Variants in KIFBP observed in about 807,000 individuals in gnomAD.
KIFBP encodes the protein kinesin family binding protein.
A neutral mutation model predicts 58.9 loss-of-function variants in KIFBP; 46 were observed. The ratio of observed to expected loss-of-function variants is 0.78; its 90% CI spans 0.62 to 1.00. The LOEUF (loss-of-function observed/expected upper bound fraction) is 1.00. KIFBP is among the 50% of genes least tolerant of loss of function. The pLI is 0.00. For synonymous variants in KIFBP, 241 were observed against 283.4 expected (o/e 0.85, Z 1.50); for missense variants, 651 against 752.9 (o/e 0.86, Z 1.58).
rs543841221 is a variant in KIFBP at position 69,006,820 on chromosome 10, T to C, written c.789+905T>C. 3 of 152,316 alleles carry C rather than the reference T, an allele frequency of 2.0e-5. No homozygotes were observed. The South Asian group carries it at 6.2e-4, about 32-fold the overall frequency. 9.4% of individuals were successfully genotyped at this position (152,316 alleles called of 1,614,324 possible). On this transcript the variant is annotated intron_variant, in intron 4 of 6. Coordinates refer to ENST00000361983, the MANE Select transcript of KIFBP (RefSeq NM_015634.4). ...GCGTTGGTTCTGTAAATGCGCCCGA[T>C]GATTAAAGTATTGTCCCACAGAATT...
In KIFBP at chr10:69,005,815, A is replaced by C. The variant is rs1843529356; in HGVS notation, c.689A>C (p.Tyr230Ser). ...GAAATGTTTGAGAAGGCTGCTCACT[A>C]TTGCCATAGTACACTAAAACGCCAG... ...HLEMFEKAAH[Y>S]CHSTLKRQLE... is the part of the protein sequence containing the mutation. The change falls in exon 4 of 7, where the codon TAT becomes TCT. Residue 230 changes from tyrosine (Y) to serine (S), a missense_variant. By Grantham distance (144) the Tyr-to-Ser change is moderately radical (BLOSUM62 -2). Transcript: ENST00000361983. The C allele has an allele frequency of 6.2e-7, 1 of 1,614,080 alleles. No homozygotes were observed. The highest frequency in any genetic ancestry group is 1.3e-5 in the African/African-American group (1 of 75,046).
rs144410477 is a variant in KIFBP, at chr10:69,000,596, C to T, written c.525+74C>T. On this transcript the variant is annotated intron_variant, in intron 2 of 6. Coordinates refer to ENST00000361983, the MANE Select transcript of KIFBP (RefSeq NM_015634.4). ...GAATTGATAGTAAGAATCCCTCATTCGTAATATTGGTGTGACTCTTCACTG... is the reference window on the plus strand; with the variant it reads ...GAATTGATAGTAAGAATCCCTCATTTGTAATATTGGTGTGACTCTTCACTG... 341 of 975,010 alleles carry T rather than the reference C, an allele frequency of 3.5e-4. 3 individuals are homozygous for T. The African/African-American group carries it at 4.3e-3, about 12-fold the overall frequency. 60.4% of individuals were successfully genotyped at this position (975,010 alleles called of 1,614,324 possible).
At chr10:68,990,262 G>A (rs1473046946) in intron 1 of KIFBP, among the ~76,000 whole-genome samples, 1 of 152,150 alleles carries the variant, frequency 6.6e-6, no homozygotes, top group Non-Finnish European at 1.5e-5. Context: ...GGGCACAGTG[G>A]CTCCCATCTG....
At chr10:69,002,394 G>A (rs532903817) in intron 2 of KIFBP, among the ~76,000 whole-genome samples, 1 of 152,006 alleles carries the variant, frequency 6.6e-6, no homozygotes, top group South Asian at 2.1e-4. Flanking sequence ...CTGACCTCAA[G>A]TGATCCGCCC....
chr10:68,994,648 T>C (rs1036809296), intron 1 of KIFBP, among the ~76,000 whole-genome samples: 1 of 152,144 alleles, frequency 6.6e-6, no homozygotes, highest in Non-Finnish European at 1.5e-5. Flanking sequence ...AGGTTATATA[T>C]GTATAGGAGT....
chr10:69,015,450 C>G, intron 6 of KIFBP, 91 bp from the exon 7 acceptor site: 5 of 1,290,562 alleles, frequency 3.9e-6, no homozygotes, highest in Non-Finnish European at 5.5e-6. Context: ...AGAGACTTCT[C>G]TTCTAAAAAA....
intron 1 of KIFBP, among the ~76,000 whole-genome samples, chr10:68,993,797 C>T (rs1377005006): frequency 2.6e-5 from 4 of 151,972 alleles, no homozygotes; most frequent in African/African-American, 9.7e-5. Flanking sequence ...AGGTTGTTAA[C>T]CTGGTCATCT....
chr10:68,999,334 G>T (rs1054569932), intron 1 of KIFBP, among the ~76,000 whole-genome samples: 4 of 151,818 alleles, frequency 2.6e-5, no homozygotes, highest in Non-Finnish European at 5.9e-5. Flanking sequence ...CTCGCCTCAA[G>T]TGATCTGCCT....
At chr10:68,991,943 A>T (rs1276739809) in intron 1 of KIFBP, among the ~76,000 whole-genome samples, 1 of 150,090 alleles carries the variant, frequency 6.7e-6, no homozygotes, top group Non-Finnish European at 1.5e-5. Flanking sequence ...GACTGTTCGT[A>T]TGATGATACA....
At chr10:69,003,835 A>G (rs969460872) in intron 2 of KIFBP, among the ~76,000 whole-genome samples, 20 of 152,308 alleles carry the variant, frequency 1.3e-4, no homozygotes, top group Middle Eastern at 3.4e-3. Context: ...TTAGAATACT[A>G]CTACTGTAGA....
At chr10:68,995,503 C>T (rs551269519) in intron 1 of KIFBP, among the ~76,000 whole-genome samples, 3 of 152,118 alleles carry the variant, frequency 2.0e-5, no homozygotes, top group Non-Finnish European at 2.9e-5. Flanking sequence ...TCCATTTGGT[C>T]GTAGCGTATT....
At chr10:69,001,784 A>G (rs1294522760) in intron 2 of KIFBP, among the ~76,000 whole-genome samples, 2 of 152,086 alleles carry the variant, frequency 1.3e-5, no homozygotes, top group African/African-American at 2.4e-5. Flanking sequence ...AAGTGCTTTT[A>G]TAACATTAAA....
In KIFBP at chr10:69,016,521, G is replaced by C; in HGVS notation, c.*105G>C. On this transcript the variant is annotated 3_prime_UTR_variant, in exon 7 of 7. Transcript: ENST00000361983. ...TGTTTACCTTTATAGCCAGGTGAGT[G>C]CAGTTTGAACTTGAGATACAGTCAA... 1 of 1,194,668 alleles carries C rather than the reference G, an allele frequency of 8.4e-7. No individual in the cohort carries two copies. The highest frequency in any genetic ancestry group is 1.2e-6 in the Non-Finnish European group (1 of 822,428). 74.0% of individuals were successfully genotyped at this position (1,194,668 alleles called of 1,614,324 possible).
At chr10:68,996,131 C>G (rs1263645125) in intron 1 of KIFBP, among the ~76,000 whole-genome samples, 1 of 149,336 alleles carries the variant, frequency 6.7e-6, no homozygotes, top group Non-Finnish European at 1.5e-5. Context: ...GCACTCCAGA[C>G]TGGGCAACAG....
intron 6 of KIFBP, among the ~76,000 whole-genome samples, chr10:69,011,683 CTTTTTTTTTTTTTT>C (rs34786287): frequency 1.4e-4 from 6 of 42,530 alleles, no homozygotes; most frequent in South Asian, 8.1e-4. Context: ...TGTGCCTAAT[CTTTTTTTTTTTTTT>C]TTTTTTTTTT....
Position 69,015,646 on chromosome 10 carries a change from G to A in KIFBP, c.1096G>A (p.Gly366Arg), listed in dbSNP as rs1346485433. Residue 366 changes from glycine to arginine, a missense_variant, in exon 7 of 7, where the codon GGA becomes AGA. Coordinates refer to ENST00000361983, the MANE Select transcript of KIFBP (RefSeq NM_015634.4). ...ESIRKKAVQF[G>R]TGELCDAISA... ...CATTCGGAAAAAAGCTGTGCAGTTT[G>A]GAACCGGTGAACTGTGTGATGCCAT... is the stretch of plus-strand genomic sequence containing the variant. The A allele has an allele frequency of 1.2e-6, 2 of 1,614,190 alleles. No individual in the cohort carries two copies. The highest frequency in any genetic ancestry group is 2.2e-5 in the East Asian group (1 of 44,890).
intron 4 of KIFBP, among the ~76,000 whole-genome samples, chr10:69,008,391 A>ATATATATATATATATATAT (rs1554843385): frequency 1.8e-4 from 13 of 71,590 alleles, no homozygotes; most frequent in African/African-American, 3.9e-4. Context: ...AAAAAAAAAA[A>ATATATATATATATATATAT]ATATATATAT....
chr10:69,016,489 A>G lies in KIFBP; in HGVS notation c.*73A>G. Reference sequence around the variant, plus strand: ...TCCCTAGTCAGACAGGCCCAATTCCATTGTGATGTTTACCTTTATAGCCAG... The same window carrying G: ...TCCCTAGTCAGACAGGCCCAATTCCGTTGTGATGTTTACCTTTATAGCCAG... On this transcript the variant is annotated 3_prime_UTR_variant, in exon 7 of 7. Coordinates refer to ENST00000361983, the MANE Select transcript of KIFBP (RefSeq NM_015634.4). The G allele has an allele frequency of 6.7e-7, 1 of 1,485,552 alleles. No individual in the cohort carries two copies. Among genetic ancestry groups the G allele is most frequent in the Non-Finnish European group, 9.3e-7 (1 of 1,070,344 alleles). 92.0% of individuals were successfully genotyped at this position (1,485,552 alleles called of 1,614,324 possible). A position where few individuals can be genotyped will look rare whatever the true frequency, so the allele number is the denominator to read the frequency against.
At chr10:68,997,084 T>TA (rs1296336860) in intron 1 of KIFBP, among the ~76,000 whole-genome samples, 9 of 152,260 alleles carry the variant, frequency 5.9e-5, no homozygotes, top group South Asian at 2.1e-4. Context: ...TGTATATATA[T>TA]TTTTTTAAGT....
Sources: gnomAD v4.1 joint callset for allele counts (sites outside exome capture counted in the v4.1 genomes callset) on GRCh38, gnomAD v4.1.1 for gene constraint, MANE v1.5 for transcripts, NCBI Gene and HGNC (gene_info 2026-07-23, HGNC 2026-07-21) for gene names.